The following ITCH variants were observed in gnomAD, a reference collection of about 807,000 sequenced individuals.
ITCH encodes itchy E3 ubiquitin protein ligase.
Under a neutral mutation model 126.8 loss-of-function variants are expected in ITCH, and 28 were observed. The observed-to-expected ratio is 0.22, with a 90% CI of 0.16 to 0.30. The LOEUF (loss-of-function observed/expected upper bound fraction) is 0.30, where lower values mean the gene tolerates loss of function less well. ITCH is among the 10% of genes least tolerant of loss of function. The pLI is 1.00. For missense variants in ITCH, 631 were observed against 1,032.4 expected (o/e 0.61, Z 5.33); for synonymous variants, 342 against 340.0 (o/e 1.01, Z -0.06).
chr20:34,437,239 T>C (rs2146274370), intron 7 of ITCH, among the ~76,000 whole-genome samples: 1 of 152,350 alleles, frequency 6.6e-6, no homozygotes, highest in East Asian at 1.9e-4. Context: ...TATACTGTTT[T>C]TATTAAAAAT....
chr20:34,504,462 T>C, intron 24 of ITCH, 59 bp downstream of exon 24: 1 of 1,056,190 alleles, frequency 9.5e-7, no homozygotes, highest in East Asian at 2.4e-5. Context: ...TGTAGCTATT[T>C]AAAGCCAGCT....
chr20:34,397,726 GT>G (rs1173447303), intron 3 of ITCH, among the ~76,000 whole-genome samples: 4 of 151,752 alleles, frequency 2.6e-5, no homozygotes, highest in African/African-American at 7.3e-5. Context: ...CCAGATTCCA[GT>G]TTTTTTTCCC....
chr20:34,469,080 G>C (rs1200709043), intron 14 of ITCH, among the ~76,000 whole-genome samples: 1 of 152,112 alleles, frequency 6.6e-6, no homozygotes, highest in Non-Finnish European at 1.5e-5. Flanking sequence ...GTGTCATAGT[G>C]ATCTAAAATT....
At chr20:34,507,098 A>C (rs749738082) in intron 24 of ITCH, among the ~76,000 whole-genome samples, 1 of 152,094 alleles carries the variant, frequency 6.6e-6, no homozygotes, top group Non-Finnish European at 1.5e-5. Flanking sequence ...ATATACCCAG[A>C]GGTGGAATTC....
chr20:34,485,429 A>G (rs1474632055), intron 20 of ITCH, among the ~76,000 whole-genome samples: 1 of 152,168 alleles, frequency 6.6e-6, no homozygotes, highest in African/African-American at 2.4e-5. Context: ...CCAATTCAGC[A>G]TTGTCAGTAA....
intron 1 of ITCH, among the ~76,000 whole-genome samples, chr20:34,364,616 C>T (rs182846820): frequency 6.6e-6 from 1 of 150,976 alleles, no homozygotes; most frequent in East Asian, 2.0e-4. Flanking sequence ...GTGTGTGGCT[C>T]ACGCCTGTAA....
Position 34,366,853 on chromosome 20 carries a change from G to A in ITCH, c.-98-2541G>A, listed in dbSNP as rs1601724032. On this transcript the variant is annotated intron_variant, in intron 1 of 24. Transcript: ENST00000374864. Reference sequence around the variant, plus strand: ...AAGAAAGATTGCTCTGGTGATGAGCGAAAGGATGAGGGACTAGCTATTGCA... The same window carrying A: ...AAGAAAGATTGCTCTGGTGATGAGCAAAAGGATGAGGGACTAGCTATTGCA... Among the ~76,000 whole-genome samples the A allele has an allele frequency of 2.6e-5, 4 of 152,292 alleles. No individual in the cohort carries two copies. In the South Asian group the frequency reaches 8.3e-4, roughly 32 times the overall value.
intron 7 of ITCH, among the ~76,000 whole-genome samples, chr20:34,433,433 T>C (rs1032320017): frequency 6.6e-6 from 1 of 152,178 alleles, no homozygotes; most frequent in Admixed American, 6.5e-5. Flanking sequence ...GTAATCACAC[T>C]TTGGGAGGCC....
At chr20:34,488,802 C>A (rs969705201) in intron 20 of ITCH, among the ~76,000 whole-genome samples, 6 of 152,156 alleles carry the variant, frequency 3.9e-5, no homozygotes, top group Non-Finnish European at 8.8e-5. Context: ...CTTTGGATGG[C>A]GGAGGCAGGA....
intron 16 of ITCH, among the ~76,000 whole-genome samples, chr20:34,473,553 G>A (rs1410812488): frequency 2.0e-5 from 3 of 152,192 alleles, no homozygotes; most frequent in Non-Finnish European, 4.4e-5. Context: ...TCATTCATAA[G>A]GTTTCCATTC....
intron 16 of ITCH, among the ~76,000 whole-genome samples, chr20:34,477,124 A>C (rs940173541): frequency 6.6e-6 from 1 of 152,328 alleles, no homozygotes; most frequent in Admixed American, 6.5e-5. Context: ...CTATGAGTCA[A>C]AACCAAACCT....
At position 34,508,696 on chromosome 20, in the gene ITCH, G is replaced by A. The variant is rs1170803476; in HGVS notation, c.*902G>A. 6.6e-6 allele frequency: 1 copy of A among 151,998 alleles called. No individual in the cohort carries two copies. The highest frequency in any genetic ancestry group is 1.5e-5 in the Non-Finnish European group (1 of 68,018). The allele number at this position is 151,998 out of a possible 1,614,324, so 9.4% of individuals were successfully genotyped here. A position where few individuals can be genotyped will look rare whatever the true frequency, so the allele number is the denominator to read the frequency against. The stretch of plus-strand genomic sequence containing the variant: ...AATAAATAAAAGGAAAAAAAACTTA[G>A]CCTAGAATTAGAATTAATTTAATTG... On this transcript the variant is annotated 3_prime_UTR_variant, in exon 25 of 25. Coordinates refer to ENST00000374864, the MANE Select transcript of ITCH (RefSeq NM_031483.7).
At chr20:34,448,693 ATGTAAT>A (rs748968281) in intron 11 of ITCH, among the ~76,000 whole-genome samples, 37 of 152,282 alleles carry the variant, frequency 2.4e-4, no homozygotes, top group Admixed American at 5.9e-4. Flanking sequence ...CTGGGTGACC[ATGTAAT>A]TATCTCTACT....
In ITCH at chr20:34,397,317, G is replaced by A. The variant is rs191532901; in HGVS notation, c.70+3436G>A. Among the ~76,000 whole-genome samples, 137 of 152,210 alleles carry A rather than the reference G, an allele frequency of 9.0e-4. 3 individuals are homozygous for A. Among genetic ancestry groups the A allele is most frequent in the Admixed American group, 8.6e-3 (132 of 15,282 alleles). On this transcript the variant is annotated intron_variant, in intron 3 of 24. Transcript: ENST00000374864. ...ATTACAGGCGTGAGCCACCGCGTCC[G>A]GCCTGTAAGTCTTTATATGTGAACC...
At chr20:34,496,596 G>A (rs1227905181) in intron 23 of ITCH, among the ~76,000 whole-genome samples, 2 of 151,836 alleles carry the variant, frequency 1.3e-5, no homozygotes, top group East Asian at 1.9e-4. Context: ...ACCTGAGGTC[G>A]GGAGTTCAAG....
intron 4 of ITCH, among the ~76,000 whole-genome samples, chr20:34,411,171 A>T (rs1978978861): frequency 6.6e-6 from 1 of 151,948 alleles, no homozygotes; most frequent in Admixed American, 6.6e-5. Flanking sequence ...ACTAATAGAG[A>T]ATTTCTTTTT....
At chr20:34,491,205 A>C (rs1989485944) in intron 22 of ITCH, among the ~76,000 whole-genome samples, 1 of 152,218 alleles carries the variant, frequency 6.6e-6, no homozygotes, top group Non-Finnish European at 1.5e-5. Flanking sequence ...AATATTATTC[A>C]GTGCTAAAAA....
At chr20:34,364,700 G>C (rs1251287104) in intron 1 of ITCH, among the ~76,000 whole-genome samples, 1 of 113,226 alleles carries the variant, frequency 8.8e-6, no homozygotes, top group East Asian at 2.7e-4. Context: ...CCAACATGGT[G>C]AAACCCCGTC....
Position 34,438,486 on chromosome 20 carries a change from T to G in ITCH, c.534T>G (p.Asn178Lys). ...TCTTCTTACCCAGAGTGAGCACAAA[T>G]GGATCAGATGACCCTGAAGATGCAG... is the stretch of plus-strand genomic sequence containing the variant. ...RSKDETRVSTNGSDDPEDAGA... is the reference protein window; with the variant it reads ...RSKDETRVSTKGSDDPEDAGA... Residue 178 changes from asparagine (N) to lysine (K), a missense_variant, in exon 8 of 25, where the codon AAT (asparagine) becomes AAG (lysine). By Grantham distance (94) the Asn-to-Lys change is moderately conservative. Transcript: ENST00000374864. The G allele has an allele frequency of 1.2e-6, 2 of 1,613,974 alleles. No individual in the cohort carries two copies. Among genetic ancestry groups the G allele is most frequent in the Non-Finnish European group, 1.7e-6 (2 of 1,179,950 alleles).
Sources: allele counts gnomAD v4.1 joint callset (sites outside exome capture counted in the v4.1 genomes callset), GRCh38; gene constraint gnomAD v4.1.1; transcripts MANE v1.5; gene names NCBI Gene and HGNC (gene_info 2026-07-23, HGNC 2026-07-21).